FSD1L: variants seen among roughly 807,000 people sequenced by gnomAD.
FSD1L encodes the protein fibronectin type III and SPRY domain containing 1 like.
FSD1L carries 45 observed loss-of-function variants against 71.6 expected under a neutral mutation model. The ratio of observed to expected loss-of-function variants is 0.63; its 90% CI spans 0.49 to 0.81. The LOEUF (loss-of-function observed/expected upper bound fraction) is 0.81. Among genes scored for constraint, FSD1L ranks in the 30% least tolerant of loss-of-function variants. The pLI, the probability that FSD1L is intolerant of heterozygous loss-of-function variation, is 0.00. For synonymous variants in FSD1L, 197 were observed against 207.2 expected, an observed-to-expected ratio of 0.95 and a Z score of 0.42; for missense variants, 561 against 618.1, an observed-to-expected ratio of 0.91 and a Z score of 0.98.
chr9:105,527,317 A>G (rs1414399536), intron 10 of FSD1L, among the ~76,000 whole-genome samples: 1 of 151,244 alleles, frequency 6.6e-6, no homozygotes, highest in Non-Finnish European at 1.5e-5. Flanking sequence ...TAAGCACCAA[A>G]AAGAAGATGG....
rs946552755 is a variant in FSD1L, at chr9:105,548,809, C to G, written c.*2326C>G. On this transcript the variant is annotated 3_prime_UTR_variant, in exon 14 of 14. Transcript: ENST00000481272. ...TCAATTATTACTTCAAAATAAGAGT[C>G]TGAGGATTTCTTCTTACTGGCGTTC... 13 of 152,130 alleles carry G rather than the reference C, an allele frequency of 8.5e-5. No individual in the cohort carries two copies. The highest frequency in any genetic ancestry group is 2.6e-4 in the Admixed American group (4 of 15,264). The allele number at this position is 152,130 out of a possible 1,614,324, so 9.4% of individuals were successfully genotyped here. A position where few individuals can be genotyped will look rare whatever the true frequency, so the allele number is the denominator to read the frequency against.
chr9:105,511,190 C>T (rs1834374232), intron 9 of FSD1L, among the ~76,000 whole-genome samples: 1 of 145,208 alleles, frequency 6.9e-6, no homozygotes, highest in Non-Finnish European at 1.5e-5. Context: ...ATGGTACTAT[C>T]TATTTTTTTT....
intron 6 of FSD1L, among the ~76,000 whole-genome samples, chr9:105,480,844 C>T (rs1190078394): frequency 6.6e-6 from 1 of 152,138 alleles, no homozygotes; most frequent in East Asian, 1.9e-4. Flanking sequence ...CTACCTATCC[C>T]ACTGCATCCT....
At chr9:105,526,028 G>C in intron 10 of FSD1L, 5 of 1,511,506 alleles carry the variant, frequency 3.3e-6, no homozygotes, top group Non-Finnish European at 3.7e-6. Flanking sequence ...ACAGAATTTG[G>C]TGATGTCCTT....
chr9:105,466,611 T>G (rs1831091261), intron 3 of FSD1L, among the ~76,000 whole-genome samples: 1 of 151,880 alleles, frequency 6.6e-6, no homozygotes, highest in Non-Finnish European at 1.5e-5. Context: ...GAGAATCGCT[T>G]GAACCCAGGA....
At chr9:105,471,296 C>G (rs1196279830) in intron 4 of FSD1L, among the ~76,000 whole-genome samples, 2 of 152,122 alleles carry the variant, frequency 1.3e-5, no homozygotes, top group Non-Finnish European at 2.9e-5. Flanking sequence ...TTTCAGTTAC[C>G]TCTCAGTTCC....
At chr9:105,522,252 G>A in intron 10 of FSD1L, 5 of 1,613,172 alleles carry the variant, frequency 3.1e-6, no homozygotes. Context: ...ACTGACTATG[G>A]AGACATTAAC....
chr9:105,524,904 C>G, intron 10 of FSD1L: 1 of 1,610,312 alleles, frequency 6.2e-7, no homozygotes, highest in African/African-American at 1.3e-5. Flanking sequence ...TTCTCCTGAA[C>G]TCTTTGAGAG....
chr9:105,516,732 A>T (rs1834750409), intron 10 of FSD1L, among the ~76,000 whole-genome samples: 2 of 152,242 alleles, frequency 1.3e-5, no homozygotes, highest in African/African-American at 2.4e-5. Flanking sequence ...CAGCGCAAAA[A>T]GGCTGAAAAT....
At chr9:105,478,160 G>A (rs1036837354) in intron 5 of FSD1L, among the ~76,000 whole-genome samples, 1 of 152,166 alleles carries the variant, frequency 6.6e-6, no homozygotes, top group Non-Finnish European at 1.5e-5. Flanking sequence ...CAGGAGAATG[G>A]CATGAACCCG....
rs775881816 is a variant in FSD1L at position 105,448,171 on chromosome 9, C to T, written c.-50C>T. 5.2e-6 allele frequency: 8 copies of T among 1,538,546 alleles called. No individual in the cohort carries two copies. Among genetic ancestry groups the T allele is most frequent in the South Asian group, 1.2e-5 (1 of 83,862 alleles). ...GGTGTGCGATCTCGCTGAGCCTCCT[C>T]ACACGGTTCGTCGTCTCGGGTTCGA... On this transcript the variant is annotated 5_prime_UTR_variant, in exon 1 of 14. Transcript: ENST00000481272.
At chr9:105,471,847 C>G (rs978758329) in intron 4 of FSD1L, 57 bp from the exon 5 acceptor site, 12 of 632,778 alleles carry the variant, frequency 1.9e-5, no homozygotes, top group Non-Finnish European at 3.1e-5. Context: ...ATTTAAGATT[C>G]TAATGGCAAT....
rs1837184450 is a variant in FSD1L at position 105,549,587 on chromosome 9, A to G, written c.*3104A>G. The G allele has an allele frequency of 6.6e-6, 1 of 151,994 alleles. No individual in the cohort carries two copies. The highest frequency in any genetic ancestry group is 2.4e-5 in the African/African-American group (1 of 41,438). 9.4% of individuals were successfully genotyped at this position (151,994 alleles called of 1,614,324 possible). A position where few individuals can be genotyped will look rare whatever the true frequency, so the allele number is the denominator to read the frequency against. On this transcript the variant is annotated 3_prime_UTR_variant, in exon 14 of 14. Coordinates refer to ENST00000481272, the MANE Select transcript of FSD1L (RefSeq NM_001145313.3). ...GCTGCTGTATGGCTAGACTTTGCCT[A>G]TTTACTCTGTTATGCAAACAGTAAT...
At position 105,464,304 on chromosome 9, in the gene FSD1L, AC is replaced by A; in HGVS notation, c.181del (p.Leu61TyrfsTer5). On this transcript the variant is annotated frameshift_variant, in exon 3 of 14. Transcript: ENST00000481272. LOFTEE classifies it high-confidence loss of function. The part of the protein sequence containing the change: ...NDEIQNFIDT[L>X]HHTLKGVQEN... The stretch of plus-strand genomic sequence containing the variant: ...ATGAAATTCAGAACTTTATTGATAC[AC>A]TACATCATACACTAAAAGGAGTTCA... 1 of 1,514,932 alleles carries A rather than the reference AC, an allele frequency of 6.6e-7. No homozygotes were observed. The highest frequency in any genetic ancestry group is 8.9e-7 in the Non-Finnish European group (1 of 1,120,754). 93.8% of individuals were successfully genotyped at this position (1,514,932 alleles called of 1,614,324 possible).
chr9:105,447,098 C>T (rs1471090810), upstream of FSD1L, among the ~76,000 whole-genome samples: 1 of 151,914 alleles, frequency 6.6e-6, no homozygotes, highest in African/African-American at 2.4e-5. Context: ...CTGAGGTGGG[C>T]GGACTGCCTG....
intron 10 of FSD1L, chr9:105,520,546 A>G (rs1215644331): frequency 1.6e-6 from 2 of 1,239,706 alleles, no homozygotes; most frequent in Admixed American, 1.7e-5. Context: ...TCTTCCAGAA[A>G]GAATTCATCA....
chr9:105,447,698 G>A (rs1386727886), upstream of FSD1L: 4 of 174,026 alleles, frequency 2.3e-5, no homozygotes, highest in Non-Finnish European at 4.8e-5. Context: ...CGCTGGGTCC[G>A]CTCAAGCCTG....
intron 4 of FSD1L, among the ~76,000 whole-genome samples, chr9:105,469,596 T>G (rs1831309375): frequency 6.6e-6 from 1 of 152,150 alleles, no homozygotes; most frequent in Non-Finnish European, 1.5e-5. Flanking sequence ...TCAGGTTCTT[T>G]GGCCATCTTT....
intron 1 of FSD1L, 41 bp downstream of exon 1, chr9:105,448,276 G>A (rs765966635): frequency 2.6e-6 from 4 of 1,515,502 alleles, no homozygotes; most frequent in African/African-American, 2.9e-5. Context: ...GAGACAAGCC[G>A]GGCCGGCACA....
Sources: allele counts gnomAD v4.1 joint callset (sites outside exome capture counted in the v4.1 genomes callset), GRCh38; gene constraint gnomAD v4.1.1; transcripts MANE v1.5; gene names NCBI Gene and HGNC (gene_info 2026-07-23, HGNC 2026-07-21).